The following CCDC148 variants were observed in gnomAD, a reference collection of about 807,000 sequenced individuals.
CCDC148 encodes the protein coiled-coil domain containing 148, also known as coiled-coil domain-containing protein 148.
Under a neutral mutation model 85.7 loss-of-function variants are expected in CCDC148, and 89 were observed. The ratio of observed to expected loss-of-function variants is 1.04; its 90% CI spans 0.87 to 1.24. The LOEUF is 1.24. Ranked by LOEUF, CCDC148 falls within the 50% of genes most tolerant of loss-of-function variation. CCDC148 has a pLI of 0.00. For missense variants in CCDC148, 692 were observed against 671.7 expected, an observed-to-expected ratio of 1.03 and a Z score of -0.33; for synonymous variants, 230 against 213.9, an observed-to-expected ratio of 1.08 and a Z score of -0.66.
chr2:158,426,257 T>A (rs1687073041), intron 1 of CCDC148, among the ~76,000 whole-genome samples: 1 of 152,104 alleles, frequency 6.6e-6, no homozygotes, highest in South Asian at 2.1e-4. Context: ...TTTAGTTATA[T>A]TCTGTTAGTG....
intron 11 of CCDC148, among the ~76,000 whole-genome samples, chr2:158,219,431 A>T (rs902761237): frequency 1.3e-5 from 2 of 152,152 alleles, no homozygotes; most frequent in Non-Finnish European, 2.9e-5. Flanking sequence ...CAACTGGCAA[A>T]ATATTAAGCA....
At chr2:158,323,973 G>T (rs151262039) in intron 7 of CCDC148, among the ~76,000 whole-genome samples, 1 of 121,246 alleles carries the variant, frequency 8.2e-6, no homozygotes, top group Non-Finnish European at 1.6e-5. Flanking sequence ...CTGTTGCCCA[G>T]ACTGGAGTGC....
At chr2:158,387,200 AG>A (rs1448810539) in intron 1 of CCDC148, among the ~76,000 whole-genome samples, 1 of 152,092 alleles carries the variant, frequency 6.6e-6, no homozygotes, top group African/African-American at 2.4e-5. Context: ...TTTGGGCACT[AG>A]ATGTGTTCAT....
At chr2:158,220,182 T>G (rs905828708) in intron 11 of CCDC148, among the ~76,000 whole-genome samples, 1 of 152,184 alleles carries the variant, frequency 6.6e-6, no homozygotes, top group Non-Finnish European at 1.5e-5. Flanking sequence ...TATGTTATAA[T>G]AAACACCACA....
chr2:158,316,146 C>A (rs768066746), intron 7 of CCDC148, among the ~76,000 whole-genome samples: 18 of 152,174 alleles, frequency 1.2e-4, no homozygotes, highest in Non-Finnish European at 1.8e-4. Flanking sequence ...TGGAGAAGTA[C>A]TCCTAAATTA....
chr2:158,386,987 T>C (rs1407989022), intron 1 of CCDC148, among the ~76,000 whole-genome samples: 1 of 152,172 alleles, frequency 6.6e-6, no homozygotes, highest in African/African-American at 2.4e-5. Context: ...CAAGTGTCTT[T>C]GCAGGGACAA....
At chr2:158,407,412 C>T (rs547773727) in intron 1 of CCDC148, among the ~76,000 whole-genome samples, 2 of 152,270 alleles carry the variant, frequency 1.3e-5, no homozygotes, top group South Asian at 4.1e-4. Context: ...ATTTTTCCCT[C>T]TATTATTCCA....
At chr2:158,437,787 A>T in intron 1 of CCDC148, among the ~76,000 whole-genome samples, 1 of 152,224 alleles carries the variant, frequency 6.6e-6, no homozygotes, top group East Asian at 1.9e-4. Flanking sequence ...AAGTCTCAGG[A>T]TACAAAATCA....
intron 1 of CCDC148, among the ~76,000 whole-genome samples, chr2:158,390,962 A>T (rs1685279154): frequency 6.6e-6 from 1 of 152,170 alleles, no homozygotes. Flanking sequence ...CCTATACAAT[A>T]GCTGTTATTT....
intron 1 of CCDC148, 71 bp from the exon 2 acceptor site, chr2:158,358,641 G>A: frequency 1.9e-6 from 2 of 1,045,194 alleles, no homozygotes; most frequent in Non-Finnish European, 2.6e-6. Context: ...ATATAATTAG[G>A]GCAACATGTT....
At chr2:158,455,365 C>T (rs1688597110) in intron 1 of CCDC148, among the ~76,000 whole-genome samples, 1 of 151,926 alleles carries the variant, frequency 6.6e-6, no homozygotes, top group African/African-American at 2.4e-5. Flanking sequence ...CAACTGAGTT[C>T]ACATTTTACT....
chr2:158,325,537 C>T (rs1331656246), intron 7 of CCDC148, among the ~76,000 whole-genome samples: 2 of 152,138 alleles, frequency 1.3e-5, no homozygotes, highest in East Asian at 1.9e-4. Context: ...GTGATCACAT[C>T]CAATCTCATG....
chr2:158,400,485 T>C (rs760720866), intron 1 of CCDC148, among the ~76,000 whole-genome samples: 1 of 152,212 alleles, frequency 6.6e-6, no homozygotes, highest in Admixed American at 6.5e-5. Flanking sequence ...TCAATGGTGC[T>C]GGGAAAACCG....
In CCDC148 at chr2:158,266,875, C is replaced by CATAT. The variant is rs532539228; in HGVS notation, c.1111-15967_1111-15964dup. 7.3e-3 allele frequency among the ~76,000 whole-genome samples: 1,077 copies of CATAT among 148,024 alleles called. 17 individuals carry two copies. The highest frequency in any genetic ancestry group is 0.025 in the African/African-American group (1,026 of 40,340). The stretch of plus-strand genomic sequence containing the variant: ...GTGTCTGTGTGTGTGTGTGTATTTA[C>CATAT]ATATATATATATTTATTTACATATA... On this transcript the variant is annotated intron_variant, in intron 9 of 13. Coordinates refer to ENST00000283233, the MANE Select transcript of CCDC148 (RefSeq NM_138803.4).
intron 10 of CCDC148, among the ~76,000 whole-genome samples, chr2:158,247,550 A>G (rs975156868): frequency 5.9e-5 from 9 of 152,114 alleles, no homozygotes; most frequent in Admixed American, 3.3e-4. Flanking sequence ...CACTTCTACT[A>G]CGGAACACTA....
intron 9 of CCDC148, among the ~76,000 whole-genome samples, chr2:158,260,141 T>G (rs1465130629): frequency 1.3e-5 from 2 of 152,092 alleles, no homozygotes; most frequent in Non-Finnish European, 2.9e-5. Context: ...CCTTATTCAC[T>G]ATTCTATTCC....
chr2:158,406,611 T>A (rs1456336994), intron 1 of CCDC148, among the ~76,000 whole-genome samples: 1 of 114,326 alleles, frequency 8.7e-6, no homozygotes, highest in Non-Finnish European at 1.9e-5. Context: ...CAGATTAAAT[T>A]TCTTTTTTTT....
At chr2:158,392,021 C>T (rs980618802) in intron 1 of CCDC148, among the ~76,000 whole-genome samples, 1 of 152,068 alleles carries the variant, frequency 6.6e-6, no homozygotes, top group Admixed American at 6.6e-5. Flanking sequence ...AAAGTGATGA[C>T]TTCACCAGAT....
At chr2:158,290,366 G>A (rs374647631) in intron 9 of CCDC148, among the ~76,000 whole-genome samples, 3 of 152,116 alleles carry the variant, frequency 2.0e-5, no homozygotes, top group African/African-American at 7.2e-5. Context: ...CAGCTTTTTC[G>A]CTTGTCCTGT....
Sources: gnomAD v4.1 joint callset for allele counts (sites outside exome capture counted in the v4.1 genomes callset) on GRCh38, gnomAD v4.1.1 for gene constraint, MANE v1.5 for transcripts, NCBI Gene and HGNC (gene_info 2026-07-23, HGNC 2026-07-21) for gene names.